UBL3: variants seen among roughly 807,000 people sequenced by gnomAD.
UBL3 encodes ubiquitin like 3, also known as ubiquitin-like protein 3.
A neutral mutation model predicts 18.4 loss-of-function variants in UBL3; 6 were observed. The ratio of observed to expected loss-of-function variants is 0.33; its 90% CI spans 0.18 to 0.64. The LOEUF (loss-of-function observed/expected upper bound fraction) is 0.64, where lower values mean the gene tolerates loss of function less well. UBL3 is among the 30% of genes least tolerant of loss of function. The probability of loss-of-function intolerance (pLI) is 0.76; values close to 1 mark genes in which losing one functional copy is unlikely to be tolerated. For synonymous variants in UBL3, 49 were observed against 46.6 expected (o/e 1.05, Z -0.21); for missense variants, 109 against 142.9 (o/e 0.76, Z 1.21).
chr13:29,835,184 A>ATC (rs1491053465), intron 1 of UBL3, among the ~76,000 whole-genome samples: 16 of 89,590 alleles, frequency 1.8e-4, no homozygotes, highest in South Asian at 8.0e-4. Context: ...ATATATATAT[A>ATC]TCTCCACCCT....
intron 1 of UBL3, among the ~76,000 whole-genome samples, chr13:29,780,126 G>A (rs1306411540): frequency 5.9e-5 from 9 of 151,688 alleles, no homozygotes; most frequent in East Asian, 1.9e-4. Flanking sequence ...AGGCCAAGGC[G>A]GGAGGATCAC....
intron 1 of UBL3, among the ~76,000 whole-genome samples, chr13:29,787,815 G>A (rs1374822231): frequency 6.6e-6 from 1 of 152,082 alleles, no homozygotes; most frequent in East Asian, 1.9e-4. Context: ...TAGTACAATT[G>A]TTTCTGTCAC....
At chr13:29,829,038 T>C (rs1296870217) in intron 1 of UBL3, among the ~76,000 whole-genome samples, 1 of 152,192 alleles carries the variant, frequency 6.6e-6, no homozygotes, top group East Asian at 1.9e-4. Flanking sequence ...CTCTGGAAGC[T>C]TCGTCTCAGA....
chr13:29,843,244 G>GTA (rs1879151422), intron 1 of UBL3, among the ~76,000 whole-genome samples: 1 of 152,094 alleles, frequency 6.6e-6, no homozygotes, highest in Non-Finnish European at 1.5e-5. Flanking sequence ...CATACACATA[G>GTA]TATAAAACAT....
chr13:29,847,607 A>G (rs1879260141), intron 1 of UBL3, among the ~76,000 whole-genome samples: 1 of 152,220 alleles, frequency 6.6e-6, no homozygotes, highest in African/African-American at 2.4e-5. Flanking sequence ...CACTGGACCT[A>G]AAGGAAGTAG....
chr13:29,788,992 T>C (rs552765846), intron 1 of UBL3, among the ~76,000 whole-genome samples: 13 of 152,108 alleles, frequency 8.5e-5, no homozygotes, highest in Admixed American at 2.6e-4. Flanking sequence ...CTCCACCTCC[T>C]GGGCTCAAGA....
rs184695464 is a variant in UBL3, at chr13:29,824,756, G to C, written c.27+24756C>G. Among the ~76,000 whole-genome samples, 66 of 152,232 alleles carry C rather than the reference G, an allele frequency of 4.3e-4. 1 individual carries two copies. The highest frequency in any genetic ancestry group is 1.5e-3 in the African/African-American group (61 of 41,534). ...TTGGCTTTTGTTGCCATTGCTTTTG[G>C]TGTTTTAGACATGAAGTCCTTGCCC... On this transcript the variant is annotated intron_variant, in intron 1 of 4. Transcript: ENST00000380680.
intron 1 of UBL3, among the ~76,000 whole-genome samples, chr13:29,779,825 G>A (rs1027142490): frequency 1.3e-5 from 2 of 152,148 alleles, no homozygotes; most frequent in Non-Finnish European, 1.5e-5. Context: ...CTGTATTGAA[G>A]TTTTACCTCC....
chr13:29,790,827 T>C (rs1336653245), intron 1 of UBL3, among the ~76,000 whole-genome samples: 1 of 152,168 alleles, frequency 6.6e-6, no homozygotes, highest in Non-Finnish European at 1.5e-5. Flanking sequence ...TCTCTTTCAG[T>C]TGGTTTTTCT....
chr13:29,839,811 C>A lies in UBL3; in HGVS notation c.27+9701G>T, dbSNP rs1367242957. Among the ~76,000 whole-genome samples the A allele has an allele frequency of 2.0e-5, 3 of 151,536 alleles. 1 individual carries two copies. In the East Asian group the frequency reaches 5.8e-4, roughly 29 times the overall value. ...GCGTGGTGGCGGGTGCCTGTAGTCCCAGTTACTCGGGAGGCTGAGGCAGGA... is the reference window on the plus strand; with the variant it reads ...GCGTGGTGGCGGGTGCCTGTAGTCCAAGTTACTCGGGAGGCTGAGGCAGGA... On this transcript the variant is annotated intron_variant, in intron 1 of 4. Transcript: ENST00000380680.
At chr13:29,788,456 G>C (rs1239953683) in intron 1 of UBL3, among the ~76,000 whole-genome samples, 1 of 152,150 alleles carries the variant, frequency 6.6e-6, no homozygotes, top group Admixed American at 6.5e-5. Flanking sequence ...GATGCCCTGA[G>C]AGGCTGGCTA....
chr13:29,796,718 C>T (rs1166531500), intron 1 of UBL3, among the ~76,000 whole-genome samples: 2 of 152,196 alleles, frequency 1.3e-5, no homozygotes, highest in Non-Finnish European at 2.9e-5. Context: ...CTCCAACCCA[C>T]TAAGATGGCT....
At chr13:29,767,508 T>C (rs1388370802) in intron 4 of UBL3, 110 bp downstream of exon 4, 13 of 1,277,178 alleles carry the variant, frequency 1.0e-5, no homozygotes, top group Non-Finnish European at 1.4e-5. Flanking sequence ...CAATCTCTAT[T>C]CATAAACTAT....
At chr13:29,827,936 C>T (rs957618193) in intron 1 of UBL3, among the ~76,000 whole-genome samples, 4 of 152,112 alleles carry the variant, frequency 2.6e-5, no homozygotes, top group South Asian at 2.1e-4. Context: ...TCTTCACTTA[C>T]GAAGCTTAGT....
At chr13:29,798,141 T>C (rs1481762358) in intron 1 of UBL3, among the ~76,000 whole-genome samples, 1 of 152,090 alleles carries the variant, frequency 6.6e-6, no homozygotes, top group Non-Finnish European at 1.5e-5. Flanking sequence ...TTCTCCTGCC[T>C]CAGCCTCCGG....
chr13:29,838,347 C>T (rs778447757), intron 1 of UBL3, among the ~76,000 whole-genome samples: 7 of 152,028 alleles, frequency 4.6e-5, no homozygotes, highest in Non-Finnish European at 8.8e-5. Flanking sequence ...GATGCACATA[C>T]AATCAAAAAG....
At chr13:29,779,252 A>G (rs1169053464) in intron 1 of UBL3, 1 of 506,778 alleles carries the variant, frequency 2.0e-6, no homozygotes. Flanking sequence ...CAGATACATT[A>G]CTACTCATGG....
In UBL3 at chr13:29,777,281, T is replaced by C. The variant is rs761753622; in HGVS notation, c.28-18A>G. On this transcript the variant is annotated intron_variant, in intron 1 of 4. Transcript: ENST00000380680. Reference sequence around the variant, plus strand: ...AAATTTATCTGAAAGAAGACAATGATTCTTTTAACATAAATCTAAAAATTT... The same window carrying C: ...AAATTTATCTGAAAGAAGACAATGACTCTTTTAACATAAATCTAAAAATTT... The C allele has an allele frequency of 6.3e-7, 1 of 1,584,462 alleles. No individual in the cohort carries two copies. Among genetic ancestry groups the C allele is most frequent in the Admixed American group, 1.8e-5 (1 of 55,982 alleles).
intron 1 of UBL3, among the ~76,000 whole-genome samples, chr13:29,796,232 G>C (rs1877607630): frequency 1.3e-5 from 2 of 151,724 alleles, no homozygotes; most frequent in African/African-American, 4.8e-5. Context: ...AAATCTAGAA[G>C]TTTAATTTTA....
Sources: allele counts gnomAD v4.1 joint callset (sites outside exome capture counted in the v4.1 genomes callset), GRCh38; gene constraint gnomAD v4.1.1; transcripts MANE v1.5; gene names NCBI Gene and HGNC (gene_info 2026-07-23, HGNC 2026-07-21).